The following KIRREL1 variants were observed in gnomAD, a reference collection of about 807,000 sequenced individuals.
KIRREL1 encodes the protein kirre like nephrin family adhesion molecule 1.
A neutral mutation model predicts 83.3 loss-of-function variants in KIRREL1; 25 were observed. That is an observed-to-expected ratio of 0.30 (90% CI 0.22 to 0.42). The LOEUF (loss-of-function observed/expected upper bound fraction) is 0.42. KIRREL1 is among the 10% of genes least tolerant of loss of function. The pLI is 1.00. For synonymous variants in KIRREL1, 388 were observed against 410.4 expected, an observed-to-expected ratio of 0.95 and a Z score of 0.66; for missense variants, 812 against 1,032.3, an observed-to-expected ratio of 0.79 and a Z score of 2.92.
intron 1 of KIRREL1, among the ~76,000 whole-genome samples, chr1:158,059,602 G>A (rs961366555): frequency 6.6e-6 from 1 of 152,180 alleles, no homozygotes; most frequent in Non-Finnish European, 1.5e-5. Flanking sequence ...AAATGAGATT[G>A]GGGTTAGGAA....
intron 1 of KIRREL1, among the ~76,000 whole-genome samples, chr1:158,016,558 A>T (rs1414649466): frequency 2.6e-5 from 4 of 152,092 alleles, no homozygotes; most frequent in African/African-American, 7.2e-5. Flanking sequence ...TAACTTTGGG[A>T]TGCATCATGG....
At chr1:158,014,549 A>C (rs1158968746) in intron 1 of KIRREL1, among the ~76,000 whole-genome samples, 1 of 151,902 alleles carries the variant, frequency 6.6e-6, no homozygotes, top group Non-Finnish European at 1.5e-5. Flanking sequence ...CAGCCAGGGA[A>C]CACCCGACCA....
intron 12 of KIRREL1, 53 bp downstream of exon 12, chr1:158,093,499 A>C (rs891329292): frequency 1.2e-6 from 2 of 1,606,352 alleles, no homozygotes; most frequent in African/African-American, 2.7e-5. Flanking sequence ...TTCCAGGGCC[A>C]TGACAGGCAG....
intron 1 of KIRREL1, among the ~76,000 whole-genome samples, chr1:158,004,772 C>A (rs776182790): frequency 6.6e-6 from 1 of 151,894 alleles, no homozygotes; most frequent in African/African-American, 2.4e-5. Flanking sequence ...GGTGAAACAC[C>A]GTCTCTACTA....
At chr1:158,075,202 G>A (rs987918838) in intron 1 of KIRREL1, among the ~76,000 whole-genome samples, 6 of 152,274 alleles carry the variant, frequency 3.9e-5, no homozygotes, top group South Asian at 4.1e-4. Flanking sequence ...GAAAAAACCC[G>A]CAATGCAATT....
intron 1 of KIRREL1, among the ~76,000 whole-genome samples, chr1:158,036,159 G>A (rs1245550344): frequency 6.6e-6 from 1 of 152,194 alleles, no homozygotes; most frequent in Non-Finnish European, 1.5e-5. Context: ...TACAATGCAA[G>A]TAGACTACGG....
At chr1:158,077,735 G>C (rs1011121740) in intron 2 of KIRREL1, among the ~76,000 whole-genome samples, 2 of 152,120 alleles carry the variant, frequency 1.3e-5, no homozygotes, top group African/African-American at 4.8e-5. Context: ...AGAGGCATTT[G>C]TCTGCAAACA....
At chr1:158,060,798 T>A (rs1661195891) in intron 1 of KIRREL1, among the ~76,000 whole-genome samples, 1 of 152,120 alleles carries the variant, frequency 6.6e-6, no homozygotes, top group Non-Finnish European at 1.5e-5. Flanking sequence ...AGCAGGGAAG[T>A]GTCCTTCCGC....
At chr1:158,017,061 A>C (rs1396499574) in intron 1 of KIRREL1, among the ~76,000 whole-genome samples, 1 of 152,222 alleles carries the variant, frequency 6.6e-6, no homozygotes, top group Non-Finnish European at 1.5e-5. Context: ...CGGAGCATTT[A>C]CTATATGTTA....
At chr1:158,077,891 G>A (rs1661729999) in intron 2 of KIRREL1, 100 bp from the exon 3 acceptor site, 2 of 1,347,274 alleles carry the variant, frequency 1.5e-6, no homozygotes, top group Non-Finnish European at 2.1e-6. Context: ...TCACCTGTCA[G>A]TGGTGTCCCA....
chr1:158,054,068 A>G (rs989379135), intron 1 of KIRREL1, among the ~76,000 whole-genome samples: 2 of 151,626 alleles, frequency 1.3e-5, no homozygotes, highest in African/African-American at 2.4e-5. Flanking sequence ...AAAATTAGCC[A>G]GGTGTGTGGT....
chr1:158,032,890 C>T (rs558742544), intron 1 of KIRREL1, among the ~76,000 whole-genome samples: 1 of 152,300 alleles, frequency 6.6e-6, no homozygotes, highest in Admixed American at 6.5e-5. Context: ...CCTGTCTCAG[C>T]CTCCCGAGTA....
intron 1 of KIRREL1, among the ~76,000 whole-genome samples, chr1:157,994,389 G>C (rs74122601): frequency 2.1e-3 from 316 of 151,038 alleles, no homozygotes; most frequent in Non-Finnish European, 3.2e-3. Context: ...TGATACAGAG[G>C]GGGGGAACTC....
chr1:158,056,776 TG>T (rs1283810501), intron 1 of KIRREL1, among the ~76,000 whole-genome samples: 5 of 152,220 alleles, frequency 3.3e-5, no homozygotes, highest in Admixed American at 1.3e-4. Context: ...CCAGAGCAGC[TG>T]GCTGGGCGGG....
At chr1:158,023,914 G>C (rs761038359) in intron 1 of KIRREL1, among the ~76,000 whole-genome samples, 1 of 152,150 alleles carries the variant, frequency 6.6e-6, no homozygotes, top group Non-Finnish European at 1.5e-5. Context: ...GGTAGTGGGA[G>C]GGGATGGAAG....
intron 1 of KIRREL1, among the ~76,000 whole-genome samples, chr1:157,997,730 G>A (rs1286305671): frequency 2.0e-5 from 3 of 152,152 alleles, no homozygotes; most frequent in Non-Finnish European, 4.4e-5. Flanking sequence ...CACTAGCCCC[G>A]AGGTGGCAGC....
At chr1:158,018,402 T>C (rs1161384355) in intron 1 of KIRREL1, among the ~76,000 whole-genome samples, 1 of 152,070 alleles carries the variant, frequency 6.6e-6, no homozygotes, top group Non-Finnish European at 1.5e-5. Context: ...GTGAAGCTGG[T>C]GAAGCCCCGG....
intron 1 of KIRREL1, among the ~76,000 whole-genome samples, chr1:157,996,364 A>T (rs1229804281): frequency 6.6e-6 from 1 of 151,954 alleles, no homozygotes; most frequent in East Asian, 1.9e-4. Context: ...CTCGCTCCCT[A>T]GTCTCGGGGA....
At chr1:158,051,128 C>T (rs550801118) in intron 1 of KIRREL1, among the ~76,000 whole-genome samples, 1 of 152,302 alleles carries the variant, frequency 6.6e-6, no homozygotes, top group South Asian at 2.1e-4. Context: ...TGATGGTGGA[C>T]GTGGTGCATG....
Sources: allele counts gnomAD v4.1 joint callset (sites outside exome capture counted in the v4.1 genomes callset), GRCh38; gene constraint gnomAD v4.1.1; transcripts MANE v1.5; gene names NCBI Gene and HGNC (gene_info 2026-07-23, HGNC 2026-07-21).